The following PI4K2A variants were observed in gnomAD, a reference collection of about 807,000 sequenced individuals.
PI4K2A encodes the protein phosphatidylinositol 4-kinase type 2 alpha.
A neutral mutation model predicts 55.0 loss-of-function variants in PI4K2A; 20 were observed. That is an observed-to-expected ratio of 0.36 (90% CI 0.26 to 0.53). The LOEUF (loss-of-function observed/expected upper bound fraction) is 0.53. Among genes scored for constraint, PI4K2A ranks in the 20% least tolerant of loss-of-function variants. The probability of loss-of-function intolerance (pLI) is 0.91; values close to 1 mark genes in which losing one functional copy is unlikely to be tolerated. For missense variants in PI4K2A, 463 were observed against 637.1 expected, an observed-to-expected ratio of 0.73 and a Z score of 2.94; for synonymous variants, 235 against 258.5, an observed-to-expected ratio of 0.91 and a Z score of 0.87.
rs1244720358 is a variant in PI4K2A at position 97,651,234 on chromosome 10, T to C, written c.636+93T>C. 5 of 895,334 alleles carry C rather than the reference T, an allele frequency of 5.6e-6. No individual in the cohort carries two copies. In the Admixed American group the frequency reaches 1.0e-4, roughly 19 times the overall value. 55.5% of individuals were successfully genotyped at this position (895,334 alleles called of 1,614,324 possible). A position where few individuals can be genotyped will look rare whatever the true frequency, so the allele number is the denominator to read the frequency against. On this transcript the variant is annotated intron_variant, in intron 2 of 8. Transcript: ENST00000370631. ...CATGTTAGTGGGACCTTGGGTCCAG[T>C]GGGGTCATTTATACCCTAAGTCTGG... is the stretch of plus-strand genomic sequence containing the variant.
Position 97,656,925 on chromosome 10 carries a change from G to A in PI4K2A, c.873G>A (p.Leu291=). The change falls in exon 4 of 9, where the codon CTG becomes CTA. Residue 291 remains leucine, a synonymous_variant. Coordinates refer to ENST00000370631, the Ensembl canonical transcript of PI4K2A. The surrounding 1 kb of genome is among the most constrained non-coding windows in gnomAD (Gnocchi z 4.5). The stretch of plus-strand genomic sequence containing the variant: ...CTGAGAACACTAACCGGCAACTACT[G>A]CTCCAGTTTGAGCGGTTGGTGGTGC... The A allele has an allele frequency of 2.5e-6, 4 of 1,614,138 alleles. No individual in the cohort carries two copies. Among genetic ancestry groups the A allele is most frequent in the Non-Finnish European group, 3.4e-6 (4 of 1,180,020 alleles).
chr10:97,642,823 C>CT (rs11399402), intron 1 of PI4K2A, among the ~76,000 whole-genome samples: 6,863 of 16,500 alleles, frequency 0.42, 1,296 homozygotes, highest in Non-Finnish European at 0.44. Context: ...TCCTTCCTTC[C>CT]TTCCTTCCTT....
At chr10:97,641,240 G>T in intron 1 of PI4K2A, 63 bp downstream of exon 1, 1 of 1,263,362 alleles carries the variant, frequency 7.9e-7, no homozygotes, top group East Asian at 2.5e-5. Flanking sequence ...TGGGGAGTTG[G>T]GGGCTTCGCA....
intron 4 of PI4K2A, among the ~76,000 whole-genome samples, chr10:97,662,364 C>T (rs2041588556): frequency 6.6e-6 from 1 of 152,128 alleles, no homozygotes; most frequent in Non-Finnish European, 1.5e-5. Flanking sequence ...TGTATAAAGG[C>T]CTAAGATGTC....
At chr10:97,657,144 T>C (rs1424653633) in intron 4 of PI4K2A, among the ~76,000 whole-genome samples, 170 bp downstream of exon 4, 2 of 152,126 alleles carry the variant, frequency 1.3e-5, no homozygotes, top group Non-Finnish European at 2.9e-5. Context: ...CTTACACTCT[T>C]TCCTGGTTCC....
In PI4K2A at chr10:97,667,051, TC is replaced by T; in HGVS notation, c.1219-9del. 6.2e-7 allele frequency: 1 copy of T among 1,611,998 alleles called. No individual in the cohort carries two copies. The highest frequency in any genetic ancestry group is 8.5e-7 in the Non-Finnish European group (1 of 1,178,216). On this transcript the variant is annotated splice_polypyrimidine_tract_variant and intron_variant, in intron 7 of 8. Transcript: ENST00000370631. The stretch of plus-strand genomic sequence containing the variant: ...CACAGGTTCCATCTCCTTCTGGTCT[TC>T]TTTTGCAGAAAGATCCTGGTTTCGA...
At chr10:97,642,865 TTTTC>T (rs1554878119) in intron 1 of PI4K2A, among the ~76,000 whole-genome samples, 3 of 53,696 alleles carry the variant, frequency 5.6e-5, no homozygotes, top group Non-Finnish European at 1.2e-4. Flanking sequence ...CTTTCTTTCT[TTTTC>T]TTTCTTTCTT....
exon 9 of PI4K2A, chr10:97,675,544 A>C (rs928669370): frequency 6.6e-6 from 1 of 152,564 alleles, no homozygotes; most frequent in Non-Finnish European, 1.5e-5. Context: ...CCAGGTGTGC[A>C]TAGCTCTCTG....
chr10:97,673,033 C>T (rs1204052703), intron 8 of PI4K2A, among the ~76,000 whole-genome samples: 1 of 151,664 alleles, frequency 6.6e-6, no homozygotes, highest in East Asian at 1.9e-4. Flanking sequence ...GTTACCCAGG[C>T]TGGAGTGCAG....
At chr10:97,652,308 T>G (rs7897065) in intron 2 of PI4K2A, among the ~76,000 whole-genome samples, 2,288 of 152,222 alleles carry the variant, frequency 0.015, 46 homozygotes, top group African/African-American at 0.051. Flanking sequence ...TTCTTTCTTA[T>G]TTTTAGAGAC....
At chr10:97,649,315 G>A (rs2041519160) in intron 1 of PI4K2A, among the ~76,000 whole-genome samples, 1 of 152,130 alleles carries the variant, frequency 6.6e-6, no homozygotes, top group Admixed American at 6.5e-5. Flanking sequence ...ACCTCAGAGG[G>A]CTGACTGGCC....
chr10:97,653,117 G>A (rs2041537289), intron 2 of PI4K2A, among the ~76,000 whole-genome samples: 2 of 152,256 alleles, frequency 1.3e-5, no homozygotes, highest in Admixed American at 6.5e-5. Flanking sequence ...GCTTCTACTA[G>A]GCTCCTCTTA....
intron 8 of PI4K2A, among the ~76,000 whole-genome samples, chr10:97,671,945 C>T (rs115230055): frequency 0.027 from 4,123 of 152,176 alleles, 150 homozygotes; most frequent in African/African-American, 0.093. Flanking sequence ...TGAGCTACCA[C>T]GCCCAGCCAG....
At chr10:97,672,722 GTTCTTTTTTTTTTTT>G (rs2041642159) in intron 8 of PI4K2A, among the ~76,000 whole-genome samples, 2 of 94,790 alleles carry the variant, frequency 2.1e-5, no homozygotes, top group South Asian at 3.1e-4. Flanking sequence ...CAGAGGGTCT[GTTCTTTTTTTTTTTT>G]TTTTTTTTTT....
At position 97,640,835 on chromosome 10, in the gene PI4K2A, GC is replaced by G; in HGVS notation, c.96del (p.Gly34AlafsTer180). 1 of 1,410,598 alleles carries G rather than the reference GC, an allele frequency of 7.1e-7. No homozygotes were observed. The highest frequency in any genetic ancestry group is 1.6e-5 in the South Asian group (1 of 61,396). The allele number at this position is 1,410,598 out of a possible 1,614,324, so 87.4% of individuals were successfully genotyped here. On this transcript the variant is annotated frameshift_variant, in exon 1 of 9. Transcript: ENST00000370631. LOFTEE classifies it high-confidence loss of function. ...GCTCGGGCGCTCACTTTCCGCAGGT[GC>G]CCGGGGGCGCGGTCCGAGTGGCGGC...
chr10:97,676,101 C>A (rs566383256), exon 9 of PI4K2A: 1 of 152,358 alleles, frequency 6.6e-6, no homozygotes, highest in South Asian at 2.1e-4. Flanking sequence ...AAGGTAGGAA[C>A]GGAATTTTGA....
At chr10:97,674,773 C>T (rs2041653877) in exon 9 of PI4K2A, 1 of 152,166 alleles carries the variant, frequency 6.6e-6, no homozygotes, top group African/African-American at 2.4e-5. Context: ...GGTTCTTGGA[C>T]TTTTTTCTGT....
chr10:97,673,525 G>A, intron 8 of PI4K2A, 56 bp from the exon 9 acceptor site: 3 of 1,486,688 alleles, frequency 2.0e-6, no homozygotes, highest in South Asian at 1.1e-5. Flanking sequence ...TCCTTTCAGA[G>A]GCAGATCTGG....
chr10:97,665,975 G>A (rs1182949274), intron 6 of PI4K2A, among the ~76,000 whole-genome samples: 2 of 151,902 alleles, frequency 1.3e-5, no homozygotes, highest in African/African-American at 4.8e-5. Context: ...TCTGAGGACT[G>A]TCTTTCCATA....
Sources: allele counts gnomAD v4.1 joint callset (sites outside exome capture counted in the v4.1 genomes callset), GRCh38; gene constraint gnomAD v4.1.1; non-coding constraint Gnocchi (gnomAD v3.1); transcripts MANE v1.5; gene names NCBI Gene and HGNC (gene_info 2026-07-23, HGNC 2026-07-21).